The following FRMD4B variants were observed in gnomAD, a reference collection of about 807,000 sequenced individuals.
FRMD4B encodes FERM domain-containing protein 4B.
A neutral mutation model predicts 141.5 loss-of-function variants in FRMD4B; 74 were observed. The observed-to-expected ratio is 0.52, with a 90% CI of 0.43 to 0.63. The LOEUF (loss-of-function observed/expected upper bound fraction) is 0.63. Ranked by LOEUF, FRMD4B falls within the 30% of genes least tolerant of loss-of-function variation. The probability of loss-of-function intolerance (pLI) is 0.00; values close to 1 mark genes in which losing one functional copy is unlikely to be tolerated. For missense variants in FRMD4B, 1,366 were observed against 1,253.4 expected (o/e 1.09, Z -1.36); for synonymous variants, 506 against 467.9 (o/e 1.08, Z -1.05).
At chr3:69,352,526 A>C (rs985457101) in intron 1 of FRMD4B, among the ~76,000 whole-genome samples, 1 of 152,076 alleles carries the variant, frequency 6.6e-6, no homozygotes, top group Admixed American at 6.5e-5. Flanking sequence ...CTACTGGATG[A>C]GATAATTTCC....
chr3:69,442,230 C>T (rs1045582133), intron 1 of FRMD4B, among the ~76,000 whole-genome samples: 4 of 151,948 alleles, frequency 2.6e-5, no homozygotes, highest in African/African-American at 7.3e-5. Context: ...TACAAGTGCA[C>T]ACCATCATGC....
chr3:69,444,165 A>C (rs973524442), intron 1 of FRMD4B, among the ~76,000 whole-genome samples: 2 of 151,508 alleles, frequency 1.3e-5, no homozygotes, highest in African/African-American at 4.9e-5. Context: ...TCCTTGAAAA[A>C]CCCTAGCGTC....
At chr3:69,441,479 A>G (rs1275782028) in intron 1 of FRMD4B, among the ~76,000 whole-genome samples, 1 of 152,164 alleles carries the variant, frequency 6.6e-6, no homozygotes, top group Non-Finnish European at 1.5e-5. Flanking sequence ...CCCACCAGAG[A>G]GTAGCCCTCC....
intron 5 of FRMD4B, among the ~76,000 whole-genome samples, chr3:69,259,340 G>C (rs144933608): frequency 0.01 from 1,544 of 152,296 alleles, 12 homozygotes; most frequent in East Asian, 0.016. Flanking sequence ...AGCTTCTCTC[G>C]TTCACCCACC....
Position 69,171,925 on chromosome 3 carries a change from T to C in FRMD4B, c.3041A>G (p.Asn1014Ser), listed in dbSNP as rs187099844. The change falls in exon 23 of 23, where the codon AAC becomes AGC. Residue 1014 changes from asparagine (N) to serine (S), a missense_variant. By Grantham distance (46) the Asn-to-Ser change is conservative. Transcript: ENST00000398540. ...DGTDGNQLEDNLESSEQRLFW... is the reference protein window; with the variant it reads ...DGTDGNQLEDSLESSEQRLFW... ...GAGTCTCTGCTCACTACTCTCCAGGTTGTCTTCCAGCTGGTTTCCATCTGT... is the reference window on the plus strand; with the variant it reads ...GAGTCTCTGCTCACTACTCTCCAGGCTGTCTTCCAGCTGGTTTCCATCTGT... 41 of 1,612,960 alleles carry C rather than the reference T, an allele frequency of 2.5e-5. No individual in the cohort carries two copies. In the Admixed American group the frequency reaches 5.8e-4, roughly 23 times the overall value.
chr3:69,379,548 G>T (rs562065766), intron 1 of FRMD4B, among the ~76,000 whole-genome samples: 56 of 152,324 alleles, frequency 3.7e-4, no homozygotes, highest in Middle Eastern at 3.4e-3. Context: ...CAAATGCTGG[G>T]ATTATAGGCA....
intron 16 of FRMD4B, among the ~76,000 whole-genome samples, chr3:69,194,723 T>A (rs1315664243): frequency 6.6e-6 from 1 of 152,234 alleles, no homozygotes; most frequent in Non-Finnish European, 1.5e-5. Flanking sequence ...AGGCTATTAT[T>A]TAGTTTTAAG....
chr3:69,203,939 T>C (rs531350487), intron 11 of FRMD4B, among the ~76,000 whole-genome samples: 51 of 152,332 alleles, frequency 3.3e-4, no homozygotes, highest in Middle Eastern at 3.4e-3. Context: ...TGTTAACATA[T>C]CTGTGTCACT....
intron 14 of FRMD4B, 77 bp downstream of exon 14, chr3:69,196,176 TGA>T: frequency 9.4e-7 from 1 of 1,065,212 alleles, no homozygotes; most frequent in East Asian, 2.6e-5. Context: ...GATTAAAAGA[TGA>T]ATTTCGAAGT....
At chr3:69,369,688 C>A (rs1473581106) in intron 1 of FRMD4B, among the ~76,000 whole-genome samples, 1 of 151,238 alleles carries the variant, frequency 6.6e-6, no homozygotes, top group African/African-American at 2.4e-5. Context: ...GCATCAATAC[C>A]TAGAAAGTTC....
chr3:69,399,072 A>G (rs913120104), intron 2 of FRMD4B, among the ~76,000 whole-genome samples: 1 of 152,228 alleles, frequency 6.6e-6, no homozygotes, highest in Non-Finnish European at 1.5e-5. Flanking sequence ...GGAACAAATA[A>G]ATCTTAAGGG....
intron 1 of FRMD4B, among the ~76,000 whole-genome samples, chr3:69,459,631 A>G (rs572423838): frequency 4.6e-5 from 7 of 152,340 alleles, no homozygotes; most frequent in Admixed American, 3.9e-4. Flanking sequence ...TGGCTTCACC[A>G]TTAGCCATGT....
intron 1 of FRMD4B, among the ~76,000 whole-genome samples, chr3:69,481,258 C>T (rs956269504): frequency 2.6e-5 from 4 of 152,206 alleles, no homozygotes; most frequent in African/African-American, 9.6e-5. Flanking sequence ...GTGAGATGAA[C>T]CTGGTACCTC....
At chr3:69,463,784 C>T (rs1403956116) in intron 1 of FRMD4B, among the ~76,000 whole-genome samples, 1 of 152,154 alleles carries the variant, frequency 6.6e-6, no homozygotes, top group East Asian at 1.9e-4. Flanking sequence ...AACTTTGGCT[C>T]ATGATGCATA....
At chr3:69,328,655 T>C (rs13067464) in intron 1 of FRMD4B, among the ~76,000 whole-genome samples, 40,392 of 152,064 alleles carry the variant, frequency 0.27, 6,149 homozygotes, top group Non-Finnish European at 0.34. Flanking sequence ...AAAACCAAGA[T>C]GGTGATGAAA....
In FRMD4B at chr3:69,203,341, AAAAG is replaced by A. The variant is rs1553700371; in HGVS notation, c.877-4571_877-4568del. On this transcript the variant is annotated intron_variant, in intron 11 of 22. Transcript: ENST00000398540. ...TCAGCAAAAAAAAAAAAAAAAAAAAAAAAGAAAGAAAGAAAGAAAAATACTATAA... is the reference window on the plus strand; with the variant it reads ...TCAGCAAAAAAAAAAAAAAAAAAAAAAAAGAAAGAAAGAAAAATACTATAA... Among the ~76,000 whole-genome samples, 258 of 76,980 alleles carry A rather than the reference AAAAG, an allele frequency of 3.4e-3. 5 individuals carry two copies. Among genetic ancestry groups the A allele is most frequent in the Non-Finnish European group, 3.6e-3 (138 of 38,820 alleles). 50.5% of individuals were successfully genotyped at this position (76,980 alleles called of 152,430 possible). A position where few individuals can be genotyped will look rare whatever the true frequency, so the allele number is the denominator to read the frequency against.
chr3:69,355,819 G>A (rs541977968), intron 1 of FRMD4B, among the ~76,000 whole-genome samples: 1 of 152,140 alleles, frequency 6.6e-6, no homozygotes, highest in Non-Finnish European at 1.5e-5. Flanking sequence ...GAGGTAAGGG[G>A]TTTGAGACCA....
intron 11 of FRMD4B, among the ~76,000 whole-genome samples, chr3:69,199,524 C>A (rs1247057975): frequency 6.6e-6 from 1 of 152,202 alleles, no homozygotes; most frequent in Non-Finnish European, 1.5e-5. Context: ...ACGGAACCCC[C>A]ATGCAGGGGT....
chr3:69,196,711 A>G (rs1327525836), intron 13 of FRMD4B, 189 bp downstream of exon 13: 1 of 593,168 alleles, frequency 1.7e-6, no homozygotes, highest in African/African-American at 1.9e-5. Context: ...CAGTCTTACA[A>G]CTTTTAAAGC....
Sources: gnomAD v4.1 joint callset for allele counts (sites outside exome capture counted in the v4.1 genomes callset) on GRCh38, gnomAD v4.1.1 for gene constraint, MANE v1.5 for transcripts, NCBI Gene and HGNC (gene_info 2026-07-23, HGNC 2026-07-21) for gene names.